Variants in ACAN observed in about 807,000 individuals in gnomAD.
ACAN encodes the protein aggrecan.
ACAN carries 47 observed loss-of-function variants against 169.1 expected under a neutral mutation model. The ratio of observed to expected loss-of-function variants is 0.28; its 90% CI spans 0.22 to 0.35. The LOEUF (loss-of-function observed/expected upper bound fraction) is 0.35, where lower values mean the gene tolerates loss of function less well. ACAN is among the 10% of genes least tolerant of loss of function. ACAN has a pLI of 1.00. For missense variants in ACAN, 2,716 were observed against 2,759.9 expected, an observed-to-expected ratio of 0.98 and a Z score of 0.36; for synonymous variants, 1,115 against 1,112.2, an observed-to-expected ratio of 1.00 and a Z score of -0.05.
chr15:88,873,104 C>A lies in ACAN; in HGVS notation c.7447+79C>A. 6.6e-7 allele frequency: 1 copy of A among 1,517,174 alleles called. No homozygotes were observed. Among genetic ancestry groups the A allele is most frequent in the South Asian group, 1.3e-5 (1 of 78,208 alleles). 94.0% of individuals were successfully genotyped at this position (1,517,174 alleles called of 1,614,324 possible). A position where few individuals can be genotyped will look rare whatever the true frequency, so the allele number is the denominator to read the frequency against. Reference sequence around the variant, plus strand: ...ACAGGTGAGGCTCTTGCTGTGTGGCCTGGGGTGAGTCCCTTGTCTTCTGGC... The same window carrying A: ...ACAGGTGAGGCTCTTGCTGTGTGGCATGGGGTGAGTCCCTTGTCTTCTGGC... On this transcript the variant is annotated intron_variant, in intron 17 of 18. Transcript: ENST00000560601. This position sits in a 1 kb window ranked among gnomAD's most constrained non-coding sequence, Gnocchi z 7.5.
chr15:88,830,647 TA>T lies in ACAN; in HGVS notation c.-7-5548del, dbSNP rs201077698. ...CTATCTAAACCTATAAAAGATACAG[TA>T]AAAATCCTGTATAAAAGATAAACAA... On this transcript the variant is annotated intron_variant, in intron 1 of 18. Coordinates refer to ENST00000560601, the MANE Select transcript of ACAN (RefSeq NM_001369268.1). 4.2e-3 allele frequency among the ~76,000 whole-genome samples: 638 copies of T among 152,228 alleles called. 17 individuals are homozygous for T. Among genetic ancestry groups the T allele is most frequent in the Admixed American group, 0.038 (576 of 15,292 alleles).
Position 88,843,946 on chromosome 15 carries a change from G to A in ACAN, c.1051+298G>A, listed in dbSNP as rs1745221271. On this transcript the variant is annotated intron_variant, in intron 6 of 18. Coordinates refer to ENST00000560601, the MANE Select transcript of ACAN (RefSeq NM_001369268.1). This position sits in a 1 kb window ranked among gnomAD's most constrained non-coding sequence, Gnocchi z 4.0. ...TCAAAGCTCTGTCACCTACTACTGT[G>A]CAACCCTGGCAAAGTCAAGGCTGTG... is the stretch of plus-strand genomic sequence containing the variant. Among the ~76,000 whole-genome samples the A allele has an allele frequency of 6.6e-6, 1 of 152,144 alleles. No individual in the cohort carries two copies. The highest frequency in any genetic ancestry group is 6.5e-5 in the Admixed American group (1 of 15,272).
intron 7 of ACAN, 99 bp from the exon 8 acceptor site, chr15:88,847,144 T>G (rs1012151474): frequency 7.9e-7 from 1 of 1,269,932 alleles, no homozygotes; most frequent in African/African-American, 1.5e-5. Context: ...AAATCCAATA[T>G]GTCAGGCAGC....
At chr15:88,831,153 G>C (rs1365474701) in intron 1 of ACAN, among the ~76,000 whole-genome samples, 1 of 152,228 alleles carries the variant, frequency 6.6e-6, no homozygotes, top group East Asian at 1.9e-4. Context: ...AAATTTGAAA[G>C]AGATGCATAA....
intron 9 of ACAN, among the ~76,000 whole-genome samples, chr15:88,848,946 A>G (rs1466082495): frequency 6.6e-6 from 1 of 152,242 alleles, no homozygotes; most frequent in Non-Finnish European, 1.5e-5. Flanking sequence ...GGTATCAGGT[A>G]CATCGCTAGG....
intron 6 of ACAN, among the ~76,000 whole-genome samples, chr15:88,844,601 G>C (rs1896750218): frequency 6.6e-6 from 1 of 152,126 alleles, no homozygotes; most frequent in African/African-American, 2.4e-5. Context: ...TTGAACTCCT[G>C]ACCTCAGGTG....
intron 2 of ACAN, among the ~76,000 whole-genome samples, chr15:88,836,917 G>C (rs1196854930): frequency 6.6e-6 from 1 of 152,244 alleles, no homozygotes; most frequent in Non-Finnish European, 1.5e-5. Flanking sequence ...GCTCTTGGCT[G>C]TGTATTTTAG....
chr15:88,806,407 A>C (rs1414254720), intron 1 of ACAN, among the ~76,000 whole-genome samples: 1 of 151,244 alleles, frequency 6.6e-6, no homozygotes, highest in Non-Finnish European at 1.5e-5. Flanking sequence ...GCTAGAGTGC[A>C]GTGGCCCAAT....
intron 1 of ACAN, among the ~76,000 whole-genome samples, chr15:88,819,552 C>T (rs991829258): frequency 7.0e-6 from 1 of 143,504 alleles, no homozygotes; most frequent in African/African-American, 2.6e-5. Flanking sequence ...TGCTTGAAGT[C>T]AGAAGTCTGA....
intron 1 of ACAN, among the ~76,000 whole-genome samples, chr15:88,809,151 C>T (rs1377114902): frequency 6.6e-6 from 1 of 152,170 alleles, no homozygotes; most frequent in Admixed American, 6.5e-5. Flanking sequence ...TTAAAGTCCC[C>T]ACTATGGAAA....
chr15:88,860,239 C>A, intron 12 of ACAN, 87 bp from the exon 13 acceptor site: 1 of 938,710 alleles, frequency 1.1e-6, no homozygotes, highest in Non-Finnish European at 1.6e-6. Context: ...ACTTCAGGAA[C>A]CTCATGCCCC....
At chr15:88,815,675 A>G (rs1474791994) in intron 1 of ACAN, among the ~76,000 whole-genome samples, 1 of 150,980 alleles carries the variant, frequency 6.6e-6, no homozygotes, top group Non-Finnish European at 1.5e-5. Context: ...AAAAAAAAAA[A>G]AAAAAGAAGG....
At position 88,860,228 on chromosome 15, in the gene ACAN, G is replaced by A. The variant is rs565628642; in HGVS notation, c.6833-98G>A. 442 of 807,516 alleles carry A rather than the reference G, an allele frequency of 5.5e-4. 1 individual carries two copies. The highest frequency in any genetic ancestry group is 8.0e-4 in the Non-Finnish European group (412 of 515,102). The allele number at this position is 807,516 out of a possible 1,614,324, so 50.0% of individuals were successfully genotyped here. On this transcript the variant is annotated intron_variant, in intron 12 of 18. Transcript: ENST00000560601. ...GTGCTGACCCAAAGCCAGCCTCGTG[G>A]ACTTCAGGAACCTCATGCCCCAACT...
intron 1 of ACAN, among the ~76,000 whole-genome samples, chr15:88,830,895 T>A (rs1302335877): frequency 6.6e-6 from 1 of 152,164 alleles, no homozygotes; most frequent in Non-Finnish European, 1.5e-5. Flanking sequence ...CACCAGGTGA[T>A]CACCAGGTGA....
chr15:88,859,659 C>T (rs1398513267), intron 12 of ACAN, among the ~76,000 whole-genome samples: 1 of 152,194 alleles, frequency 6.6e-6, no homozygotes, highest in African/African-American at 2.4e-5. Flanking sequence ...AAGCACTTAG[C>T]ATCACGCTCT....
In ACAN at chr15:88,861,873, T is replaced by C. The variant is rs1256454150; in HGVS notation, c.6946+1434T>C. ...AAGTGTCAGTGGGCCGTAACTATTC[T>C]GCTGTAAGGACAGCCTCTCTGTGAT... On this transcript the variant is annotated intron_variant, in intron 13 of 18. Transcript: ENST00000560601. The surrounding 1 kb of genome is among the most constrained non-coding windows in gnomAD (Gnocchi z 6.3). 5.9e-5 allele frequency among the ~76,000 whole-genome samples: 9 copies of C among 152,238 alleles called. No homozygotes were observed.
chr15:88,811,769 A>G (rs1016120377), intron 1 of ACAN, among the ~76,000 whole-genome samples: 3 of 152,260 alleles, frequency 2.0e-5, no homozygotes, highest in South Asian at 2.1e-4. Flanking sequence ...ACTAGCACCA[A>G]TGGGGGTGAA....
chr15:88,841,776 A>G lies in ACAN; in HGVS notation c.666A>G (p.Gly222=), dbSNP rs1896667789. The G allele has an allele frequency of 6.2e-7, 1 of 1,613,474 alleles. No individual in the cohort carries two copies. Among genetic ancestry groups the G allele is most frequent in the Non-Finnish European group, 8.5e-7 (1 of 1,179,776 alleles). ...ACACTCCCCGGGAAGGCTGCTATGG[A>G]GACAAGGATGAGTTTCCTGGTGTGA... ...PIHTPREGCY[G]DKDEFPGVRT... The change falls in exon 5 of 19, where the codon GGA becomes GGG. Residue 222 remains glycine (G), a synonymous_variant. Coordinates refer to ENST00000560601, the MANE Select transcript of ACAN (RefSeq NM_001369268.1).
chr15:88,805,860 T>A (rs1454161108), intron 1 of ACAN, among the ~76,000 whole-genome samples: 1 of 152,176 alleles, frequency 6.6e-6, no homozygotes, highest in Admixed American at 6.5e-5. Context: ...CTTGCCCCTG[T>A]TCCCCATCTC....
Sources: gnomAD v4.1 joint callset for allele counts (sites outside exome capture counted in the v4.1 genomes callset) on GRCh38, gnomAD v4.1.1 for gene constraint, Gnocchi (gnomAD v3.1) non-coding constraint, MANE v1.5 for transcripts, NCBI Gene and HGNC (gene_info 2026-07-23, HGNC 2026-07-21) for gene names.